Variants in ACTRT3 observed in about 807,000 individuals in gnomAD.
ACTRT3 encodes the protein actin-related protein T3.
A neutral mutation model predicts 17.6 loss-of-function variants in ACTRT3; 15 were observed. That is an observed-to-expected ratio of 0.85 (90% CI 0.57 to 1.31). The LOEUF (loss-of-function observed/expected upper bound fraction) is 1.31, where lower values mean the gene tolerates loss of function less well. ACTRT3 is among the 50% of genes most tolerant of loss of function. The probability of loss-of-function intolerance (pLI) is 0.00; values close to 1 mark genes in which losing one functional copy is unlikely to be tolerated. For missense variants in ACTRT3, 457 were observed against 466.7 expected, an observed-to-expected ratio of 0.98 and a Z score of 0.19; for synonymous variants, 169 against 176.4, an observed-to-expected ratio of 0.96 and a Z score of 0.33.
At position 169,767,936 on chromosome 3, in the gene ACTRT3, T is replaced by A. The variant is rs1778012639; in HGVS notation, c.615A>T (p.Arg205Ser). 2.5e-6 allele frequency: 4 copies of A among 1,614,110 alleles called. No homozygotes were observed. The Admixed American group carries it at 6.7e-5, about 27-fold the overall frequency. The stretch of plus-strand genomic sequence containing the variant: ...TCTCCTTGATGTCTTCAACAATCTT[T>A]CTGTCTGAAGCACTGAGCAACATGA... ...HGIMLLSASD[R>S]KIVEDIKESF... Residue 205 changes from arginine (R) to serine (S), a missense_variant, in exon 2 of 2, where the codon AGA becomes AGT. By Grantham distance (110) the Arg-to-Ser change is moderately radical. Transcript: ENST00000330368.
Position 169,769,502 on chromosome 3 carries a change from G to T in ACTRT3, c.19C>A (p.Pro7Thr), listed in dbSNP as rs376453495. 6.2e-7 allele frequency: 1 copy of T among 1,610,692 alleles called. No individual in the cohort carries two copies. The highest frequency in any genetic ancestry group is 8.5e-7 in the Non-Finnish European group (1 of 1,179,084). The change falls in exon 1 of 2, where the codon CCG becomes ACG. Residue 7 changes from proline to threonine, a missense_variant. Pro to Thr is a conservative substitution (Grantham distance 38, BLOSUM62 -1). Coordinates refer to ENST00000330368, the MANE Select transcript of ACTRT3 (RefSeq NM_032487.5). MNHCQLPVVIDNGSGMI... is the reference protein window; with the variant it reads MNHCQLTVVIDNGSGMI... Reference sequence around the variant, plus strand: ...CCCGAGCCGTTGTCGATCACCACCGGTAGCTGGCAGTGGTTCATGCCGCCG... The same window carrying T: ...CCCGAGCCGTTGTCGATCACCACCGTTAGCTGGCAGTGGTTCATGCCGCCG...
In ACTRT3 at chr3:169,767,700, G is replaced by GT. The variant is rs1342237595; in HGVS notation, c.850dup (p.Thr284AsnfsTer29). On this transcript the variant is annotated frameshift_variant, in exon 2 of 2. Coordinates refer to ENST00000330368, the MANE Select transcript of ACTRT3 (RefSeq NM_032487.5). LOFTEE classifies it high-confidence loss of function. ...GGAAAAGAAGGAATTCCTCAGGCCT[G>GT]TATCACATTTCATTATGCTGCTGAA... 6.2e-7 allele frequency: 1 copy of GT among 1,614,026 alleles called. No individual in the cohort carries two copies. Among genetic ancestry groups the GT allele is most frequent in the South Asian group, 1.1e-5 (1 of 91,088 alleles).
At position 169,768,279 on chromosome 3, in the gene ACTRT3, T is replaced by C. The variant is rs975210875; in HGVS notation, c.272A>G (p.Tyr91Cys). ...MEIMWKHIYD[Y>C]NLKLKPCDGP... ...ATCACACGGCTTCAGCTTTAGGTTATAGTCATAGATATGCTTCCACATGAT... is the reference window on the plus strand; with the variant it reads ...ATCACACGGCTTCAGCTTTAGGTTACAGTCATAGATATGCTTCCACATGAT... Residue 91 changes from tyrosine (Y) to cysteine (C), a missense_variant, in exon 2 of 2, where the codon TAT becomes TGT. Coordinates refer to ENST00000330368, the MANE Select transcript of ACTRT3 (RefSeq NM_032487.5). The C allele has an allele frequency of 1.2e-6, 2 of 1,613,916 alleles. No individual in the cohort carries two copies. The highest frequency in any genetic ancestry group is 3.3e-5 in the Admixed American group (2 of 60,024).
In ACTRT3 at chr3:169,768,272, T is replaced by G; in HGVS notation, c.279A>C (p.Leu93=). 2 of 1,613,902 alleles carry G rather than the reference T, an allele frequency of 1.2e-6. No homozygotes were observed. Among genetic ancestry groups the G allele is most frequent in the Non-Finnish European group, 1.7e-6 (2 of 1,180,038 alleles). The change falls in exon 2 of 2, where the codon CTA becomes CTC. Residue 93 remains leucine, a synonymous_variant. Coordinates refer to ENST00000330368, the MANE Select transcript of ACTRT3 (RefSeq NM_032487.5). The part of the protein sequence containing the change: ...IMWKHIYDYN[L]KLKPCDGPVL... Reference sequence around the variant, plus strand: ...CTGGGCCATCACACGGCTTCAGCTTTAGGTTATAGTCATAGATATGCTTCC... The same window carrying G: ...CTGGGCCATCACACGGCTTCAGCTTGAGGTTATAGTCATAGATATGCTTCC...
chr3:169,767,313 A>G lies in ACTRT3; in HGVS notation c.*119T>C, dbSNP rs1329351044. The G allele has an allele frequency of 1.1e-6, 1 of 873,904 alleles. No homozygotes were observed. Among genetic ancestry groups the G allele is most frequent in the Non-Finnish European group, 1.7e-6 (1 of 594,370 alleles). The allele number at this position is 873,904 out of a possible 1,614,324, so 54.1% of individuals were successfully genotyped here. A position where few individuals can be genotyped will look rare whatever the true frequency, so the allele number is the denominator to read the frequency against. ...CCCCCAAACCCATTATAGAAATACA[A>G]CAGAAATATTGGCATCCCAATAGGT... On this transcript the variant is annotated 3_prime_UTR_variant, in exon 2 of 2. Transcript: ENST00000330368.
chr3:169,769,179 T>C (rs115766258), intron 1 of ACTRT3, 142 bp downstream of exon 1: 1,285 of 28,850 alleles, frequency 0.045, 24 homozygotes, highest in African/African-American at 0.29. Flanking sequence ...TTGGGGTCCT[T>C]TCCTGCCCCC....
intron 1 of ACTRT3, among the ~76,000 whole-genome samples, chr3:169,769,075 G>T (rs1483164845): frequency 6.6e-6 from 1 of 151,928 alleles, no homozygotes; most frequent in Admixed American, 6.6e-5. Flanking sequence ...TACCCTTGGA[G>T]ATTTGTGGCC....
intron 1 of ACTRT3, among the ~76,000 whole-genome samples, chr3:169,768,836 C>T (rs970048381): frequency 9.2e-5 from 14 of 152,186 alleles, no homozygotes; most frequent in South Asian, 4.1e-4. Context: ...CCTACCTCTG[C>T]GATTTTTGTT....
At position 169,769,506 on chromosome 3, in the gene ACTRT3, C is replaced by T; in HGVS notation, c.15G>A (p.Gln5=). 1 of 1,610,564 alleles carries T rather than the reference C, an allele frequency of 6.2e-7. No individual in the cohort carries two copies. Residue 5 remains glutamine, a synonymous_variant, in exon 1 of 2, where the codon CAG becomes CAA. Coordinates refer to ENST00000330368, the MANE Select transcript of ACTRT3 (RefSeq NM_032487.5). MNHC[Q]LPVVIDNGSG... is the part of the protein sequence containing the mutation. ...AGCCGTTGTCGATCACCACCGGTAG[C>T]TGGCAGTGGTTCATGCCGCCGCTGC... is the stretch of plus-strand genomic sequence containing the variant.
rs571076631 is a variant in ACTRT3, at chr3:169,768,919, G to A, written c.200+402C>T. On this transcript the variant is annotated intron_variant, in intron 1 of 1. Transcript: ENST00000330368. ...TGGGAAATGTCCACATTATAGTATA[G>A]TTTAAATGTCAATTGAAGAGAATAA... Among the ~76,000 whole-genome samples, 3 of 152,264 alleles carry A rather than the reference G, an allele frequency of 2.0e-5. No homozygotes were observed. In the South Asian group the frequency reaches 6.2e-4, roughly 32 times the overall value.
At chr3:169,768,474 C>T (rs1577386157) in intron 1 of ACTRT3, 124 bp from the exon 2 acceptor site, 2 of 904,376 alleles carry the variant, frequency 2.2e-6, no homozygotes, top group Non-Finnish European at 3.3e-6. Context: ...CTGCCACAGC[C>T]TCTCACAGCA....
chr3:169,768,026 C>G lies in ACTRT3; in HGVS notation c.525G>C (p.Gln175His). ...GGTCAAGGCCTGCCAGATCCAGTTGCTGCACACCATGAGGCAGACAGTAAC... is the reference window on the plus strand; with the variant it reads ...GGTCAAGGCCTGCCAGATCCAGTTGGTGCACACCATGAGGCAGACAGTAAC... ...FEGYCLPHGV[Q>H]QLDLAGLDLT... is the part of the protein sequence containing the mutation. The change falls in exon 2 of 2, where the codon CAG (glutamine) becomes CAC (histidine). Residue 175 changes from glutamine to histidine, a missense_variant. Transcript: ENST00000330368. 5.0e-6 allele frequency: 8 copies of G among 1,614,154 alleles called. No homozygotes were observed. Among genetic ancestry groups the G allele is most frequent in the Non-Finnish European group, 6.8e-6 (8 of 1,180,032 alleles).
Position 169,767,412 on chromosome 3 carries a change from C to A in ACTRT3, c.*20G>T, listed in dbSNP as rs1778002098. 1.9e-5 allele frequency: 29 copies of A among 1,519,526 alleles called. No individual in the cohort carries two copies. Among genetic ancestry groups the A allele is most frequent in the Non-Finnish European group, 2.3e-5 (26 of 1,134,312 alleles). 94.1% of individuals were successfully genotyped at this position (1,519,526 alleles called of 1,614,324 possible). A position where few individuals can be genotyped will look rare whatever the true frequency, so the allele number is the denominator to read the frequency against. On this transcript the variant is annotated 3_prime_UTR_variant, in exon 2 of 2. Coordinates refer to ENST00000330368, the MANE Select transcript of ACTRT3 (RefSeq NM_032487.5). ...TCACATATACTCAAAACATTTTCTTCCAACCATTTTATCTGTATTTCAGAA... is the reference window on the plus strand; with the variant it reads ...TCACATATACTCAAAACATTTTCTTACAACCATTTTATCTGTATTTCAGAA...
intron 1 of ACTRT3, among the ~76,000 whole-genome samples, chr3:169,768,780 G>A (rs1778027559): frequency 6.6e-6 from 1 of 151,908 alleles, no homozygotes; most frequent in Admixed American, 6.6e-5. Context: ...CGCCCTGCTC[G>A]GCCTCCCAAA....
intron 1 of ACTRT3, 134 bp from the exon 2 acceptor site, chr3:169,768,484 AG>A: frequency 1.2e-6 from 1 of 841,386 alleles, no homozygotes; most frequent in South Asian, 1.9e-5. Context: ...CTCTCACAGC[AG>A]GTAAGTGTCA....
In ACTRT3 at chr3:169,769,383, C is replaced by T. The variant is rs12637087; in HGVS notation, c.138G>A (p.Gln46=). Residue 46 remains glutamine (Q), a synonymous_variant, in exon 1 of 2, where the codon CAG becomes CAA. Transcript: ENST00000330368. ...CGCCCACGCAGAGTTCTAGCCCGCCCTGGGCCGCGCGGCTCTGGCCCTTGG... is the reference window on the plus strand; with the variant it reads ...CGCCCACGCAGAGTTCTAGCCCGCCTTGGGCCGCGCGGCTCTGGCCCTTGG... ...GRAKGQSRAA[Q]GGLELCVGDQ... 9.4e-6 allele frequency: 15 copies of T among 1,602,946 alleles called. No homozygotes were observed. In the South Asian group the frequency reaches 1.7e-4, roughly 18 times the overall value.
chr3:169,768,018 TC>T lies in ACTRT3; in HGVS notation c.532del (p.Asp178IlefsTer14). 4 of 1,614,128 alleles carry T rather than the reference TC, an allele frequency of 2.5e-6. No homozygotes were observed. The Middle Eastern group carries it at 6.6e-4, about 266-fold the overall frequency. Reference sequence around the variant, plus strand: ...GTTGGTGAGGTCAAGGCCTGCCAGATCCAGTTGCTGCACACCATGAGGCAGA... The same window carrying T: ...GTTGGTGAGGTCAAGGCCTGCCAGATCAGTTGCTGCACACCATGAGGCAGA... Reference protein sequence around the residue: ...YCLPHGVQQLDLAGLDLTNYL... With the variant: ...YCLPHGVQQLXLAGLDLTNYL... On this transcript the variant is annotated frameshift_variant, in exon 2 of 2. Transcript: ENST00000330368. LOFTEE classifies it high-confidence loss of function.
At position 169,768,243 on chromosome 3, in the gene ACTRT3, A is replaced by C; in HGVS notation, c.308T>G (p.Leu103Trp). 2 of 1,613,944 alleles carry C rather than the reference A, an allele frequency of 1.2e-6. No individual in the cohort carries two copies. Among genetic ancestry groups the C allele is most frequent in the Non-Finnish European group, 1.7e-6 (2 of 1,180,030 alleles). Residue 103 changes from leucine to tryptophan, a missense_variant, in exon 2 of 2, where the codon TTG becomes TGG. Leu to Trp is a moderately conservative substitution (Grantham distance 61). Coordinates refer to ENST00000330368, the MANE Select transcript of ACTRT3 (RefSeq NM_032487.5). ...TGGGTTCAGCGCTGGCTCAGTAATC[A>C]AGACTGGGCCATCACACGGCTTCAG... is the stretch of plus-strand genomic sequence containing the variant. ...LKLKPCDGPV[L>W]ITEPALNPLA...
rs1226016644 is a variant in ACTRT3 at position 169,768,330 on chromosome 3, A to T, written c.221T>A (p.Leu74His). The T allele has an allele frequency of 1.9e-6, 3 of 1,610,182 alleles. No homozygotes were observed. The highest frequency in any genetic ancestry group is 2.5e-6 in the Non-Finnish European group (3 of 1,176,932). Reference sequence around the variant, plus strand: ...CTCCATGTCCTCCCATGAAGTAATGAGACCACGCTCCACTGGGTAACTGTA... The same window carrying T: ...CTCCATGTCCTCCCATGAAGTAATGTGACCACGCTCCACTGGGTAACTGTA... ...LFISYPVERGLITSWEDMEIM... is the reference protein window; with the variant it reads ...LFISYPVERGHITSWEDMEIM... Residue 74 changes from leucine (L) to histidine (H), a missense_variant, in exon 2 of 2, where the codon CTC becomes CAC. Coordinates refer to ENST00000330368, the MANE Select transcript of ACTRT3 (RefSeq NM_032487.5).
Sources: allele counts gnomAD v4.1 joint callset (sites outside exome capture counted in the v4.1 genomes callset), GRCh38; gene constraint gnomAD v4.1.1; transcripts MANE v1.5; gene names NCBI Gene and HGNC (gene_info 2026-07-23, HGNC 2026-07-21).